ORC5: variants seen among roughly 807,000 people sequenced by gnomAD.
ORC5 encodes the protein origin recognition complex subunit 5, also known as protein phosphatase 1, regulatory subunit 117.
Under a neutral mutation model 58.8 loss-of-function variants are expected in ORC5, and 39 were observed. That is an observed-to-expected ratio of 0.66 (90% CI 0.51 to 0.87). The LOEUF is 0.87. ORC5 is among the 40% of genes least tolerant of loss of function. The pLI, the probability that ORC5 is intolerant of heterozygous loss-of-function variation, is 0.00. For missense variants in ORC5, 493 were observed against 506.3 expected, an observed-to-expected ratio of 0.97 and a Z score of 0.25; for synonymous variants, 218 against 177.6, an observed-to-expected ratio of 1.23 and a Z score of -1.81.
chr7:104,206,526 C>G (rs1379959430), intron 1 of ORC5, among the ~76,000 whole-genome samples: 2 of 152,066 alleles, frequency 1.3e-5, no homozygotes, highest in African/African-American at 4.8e-5. Flanking sequence ...AGAAAATGCT[C>G]CAGTAATAAT....
At chr7:104,131,460 CTCTA>C (rs1798510987) in intron 13 of ORC5, among the ~76,000 whole-genome samples, 2 of 152,176 alleles carry the variant, frequency 1.3e-5, no homozygotes, top group Non-Finnish European at 2.9e-5. Context: ...AACTCTCCTT[CTCTA>C]TCTGTTCTTT....
At chr7:104,205,316 C>CTGA in intron 1 of ORC5, among the ~76,000 whole-genome samples, 1 of 151,962 alleles carries the variant, frequency 6.6e-6, no homozygotes, top group African/African-American at 2.4e-5. Context: ...TCTCAAACTC[C>CTGA]TGACCTTGTG....
intron 12 of ORC5, among the ~76,000 whole-genome samples, chr7:104,148,294 T>C (rs1296630259): frequency 3.3e-5 from 5 of 152,182 alleles, no homozygotes; most frequent in African/African-American, 1.2e-4. Flanking sequence ...ATATTCCTTA[T>C]ACTACCCCAA....
intron 1 of ORC5, among the ~76,000 whole-genome samples, chr7:104,207,000 G>A (rs1044088673): frequency 6.6e-6 from 1 of 152,064 alleles, no homozygotes; most frequent in Non-Finnish European, 1.5e-5. Context: ...GCATTTCTCA[G>A]GACGTATCCC....
chr7:104,188,412 G>C (rs200815327), intron 5 of ORC5, 31 bp from the exon 6 acceptor site: 8 of 1,576,292 alleles, frequency 5.1e-6, no homozygotes, highest in Non-Finnish European at 7.0e-6. Flanking sequence ...AACTTATAAT[G>C]ATTAACATAG....
chr7:104,197,629 A>C, intron 4 of ORC5, 96 bp downstream of exon 4: 2 of 684,102 alleles, frequency 2.9e-6, no homozygotes, highest in Admixed American at 6.9e-5. Flanking sequence ...ATATTAAAAT[A>C]CTAATTCTCA....
chr7:104,166,039 T>TTA (rs1562814446), intron 10 of ORC5, among the ~76,000 whole-genome samples: 1 of 150,056 alleles, frequency 6.7e-6, no homozygotes, highest in East Asian at 2.0e-4. Context: ...CTCAAAAAAA[T>TTA]AAAAAAAAAT....
intron 12 of ORC5, among the ~76,000 whole-genome samples, chr7:104,140,198 G>A (rs1798650460): frequency 6.6e-6 from 1 of 151,824 alleles, no homozygotes; most frequent in Admixed American, 6.6e-5. Flanking sequence ...CATATAGTGG[G>A]ATTTTGTTTT....
chr7:104,202,116 G>T (rs887134975), intron 2 of ORC5, among the ~76,000 whole-genome samples: 1 of 151,692 alleles, frequency 6.6e-6, no homozygotes, highest in African/African-American at 2.4e-5. Flanking sequence ...AAAAAAACTA[G>T]CCCTTCATTT....
At chr7:104,173,119 C>CA (rs1799246828) in intron 8 of ORC5, among the ~76,000 whole-genome samples, 3 of 152,022 alleles carry the variant, frequency 2.0e-5, no homozygotes, top group Non-Finnish European at 4.4e-5. Flanking sequence ...AGAACCATCA[C>CA]AAAAAACTGA....
intron 12 of ORC5, among the ~76,000 whole-genome samples, chr7:104,144,784 A>C (rs190291284): frequency 1.1e-3 from 162 of 152,326 alleles, no homozygotes; most frequent in Admixed American, 3.1e-3. Context: ...GAACAGGATC[A>C]TAAAAAATAC....
intron 6 of ORC5, among the ~76,000 whole-genome samples, chr7:104,184,796 T>C (rs1379741294): frequency 6.6e-6 from 1 of 152,116 alleles, no homozygotes; most frequent in Non-Finnish European, 1.5e-5. Flanking sequence ...AAAGATTAAC[T>C]CTCAAGAAAG....
chr7:104,187,129 A>T (rs1799562274), intron 6 of ORC5, among the ~76,000 whole-genome samples: 1 of 152,176 alleles, frequency 6.6e-6, no homozygotes, highest in Non-Finnish European at 1.5e-5. Flanking sequence ...GAGGAGGATT[A>T]TCTGCTCCTA....
intron 1 of ORC5, among the ~76,000 whole-genome samples, chr7:104,206,304 G>A (rs1479864476): frequency 6.6e-6 from 1 of 152,128 alleles, no homozygotes; most frequent in Non-Finnish European, 1.5e-5. Flanking sequence ...CTTTGCTATA[G>A]TTGTTTGTAT....
At chr7:104,135,388 T>C (rs1168492167) in intron 13 of ORC5, among the ~76,000 whole-genome samples, 2 of 152,206 alleles carry the variant, frequency 1.3e-5, no homozygotes, top group African/African-American at 4.8e-5. Context: ...ACTAAAACCC[T>C]TGAATTCATG....
chr7:104,179,159 G>A (rs1196476235), intron 8 of ORC5, among the ~76,000 whole-genome samples: 1 of 149,414 alleles, frequency 6.7e-6, no homozygotes, highest in African/African-American at 2.5e-5. Flanking sequence ...ATGTTTCCCA[G>A]GCTGGTCTTG....
intron 8 of ORC5, among the ~76,000 whole-genome samples, chr7:104,179,492 A>G (rs910699593): frequency 6.6e-6 from 1 of 152,152 alleles, no homozygotes; most frequent in South Asian, 2.1e-4. Context: ...TATATCCCTC[A>G]ATCCACAATA....
intron 8 of ORC5, among the ~76,000 whole-genome samples, chr7:104,173,859 T>C (rs943530810): frequency 2.8e-5 from 4 of 144,572 alleles, no homozygotes; most frequent in Admixed American, 6.8e-5. Context: ...TTTTTTTTTT[T>C]TTTGAGACGG....
intron 1 of ORC5, among the ~76,000 whole-genome samples, chr7:104,204,504 T>C (rs946265908): frequency 2.0e-5 from 3 of 152,222 alleles, no homozygotes; most frequent in African/African-American, 7.2e-5. Context: ...CAGGTTTACA[T>C]ATACAAACTA....
Sources: allele counts gnomAD v4.1 joint callset (sites outside exome capture counted in the v4.1 genomes callset), GRCh38; gene constraint gnomAD v4.1.1; transcripts MANE v1.5; gene names NCBI Gene and HGNC (gene_info 2026-07-23, HGNC 2026-07-21).